The following ST18 variants were observed in gnomAD, a reference collection of about 807,000 sequenced individuals.
The protein encoded by ST18 is suppression of tumorigenicity 18 protein.
Under a neutral mutation model 110.0 loss-of-function variants are expected in ST18, and 50 were observed. That is an observed-to-expected ratio of 0.45 (90% CI 0.36 to 0.58). ST18 has a LOEUF of 0.58. ST18 is among the 20% of genes least tolerant of loss of function. The probability of loss-of-function intolerance (pLI) is 0.00; values close to 1 mark genes in which losing one functional copy is unlikely to be tolerated. For synonymous variants in ST18, 461 were observed against 452.4 expected (o/e 1.02, Z -0.24); for missense variants, 1,306 against 1,280.1 (o/e 1.02, Z -0.31).
intron 8 of ST18, among the ~76,000 whole-genome samples, chr8:52,187,874 C>A (rs936649770): frequency 6.6e-6 from 1 of 152,164 alleles, no homozygotes; most frequent in Non-Finnish European, 1.5e-5. Flanking sequence ...GCAATCTATA[C>A]TTAAAATAAT....
rs1024610473 is a variant in ST18 at position 52,285,346 on chromosome 8, G to A, written c.-464-55269C>T. 3.3e-5 allele frequency among the ~76,000 whole-genome samples: 5 copies of A among 152,276 alleles called. No individual in the cohort carries two copies. In the Middle Eastern group the frequency reaches 0.01, roughly 311 times the overall value. Reference sequence around the variant, plus strand: ...AATATTATTCCTTACATGTAATGACGATGGAACTTCTTGTTCCATATATCC... The same window carrying A: ...AATATTATTCCTTACATGTAATGACAATGGAACTTCTTGTTCCATATATCC... On this transcript the variant is annotated intron_variant, in intron 2 of 25. Transcript: ENST00000689386.
intron 8 of ST18, among the ~76,000 whole-genome samples, chr8:52,210,744 G>T (rs1324341158): frequency 1.3e-5 from 2 of 151,768 alleles, no homozygotes; most frequent in African/African-American, 4.8e-5. Flanking sequence ...CACAGGTAGG[G>T]CCATGGATTC....
intron 2 of ST18, among the ~76,000 whole-genome samples, chr8:52,313,946 A>G (rs900957704): frequency 1.3e-5 from 2 of 152,148 alleles, no homozygotes; most frequent in Non-Finnish European, 2.9e-5. Flanking sequence ...GGTGGCCACA[A>G]TGAAAGAGCT....
intron 12 of ST18, 36 bp from the exon 13 acceptor site, chr8:52,164,126 A>G: frequency 6.4e-7 from 1 of 1,559,114 alleles, no homozygotes; most frequent in Non-Finnish European, 8.9e-7. Flanking sequence ...GATTTTAGTT[A>G]AAATGATAAT....
intron 2 of ST18, among the ~76,000 whole-genome samples, chr8:52,319,459 T>C (rs1024785116): frequency 2.0e-5 from 3 of 152,196 alleles, no homozygotes; most frequent in African/African-American, 7.2e-5. Flanking sequence ...ATTCCAGACC[T>C]TCATTTTCGA....
At chr8:52,279,482 G>A (rs963767785) in intron 2 of ST18, among the ~76,000 whole-genome samples, 2 of 151,930 alleles carry the variant, frequency 1.3e-5, no homozygotes, top group Non-Finnish European at 2.9e-5. Context: ...AAGAAGAATC[G>A]GGGAACTGCA....
chr8:52,318,767 C>G (rs1217460303), intron 2 of ST18, among the ~76,000 whole-genome samples: 4 of 152,082 alleles, frequency 2.6e-5, no homozygotes, highest in Non-Finnish European at 5.9e-5. Context: ...GGAACAAGAT[C>G]GTATCCTTTG....
chr8:52,116,661 T>C (rs919349098), intron 24 of ST18, among the ~76,000 whole-genome samples: 1 of 152,232 alleles, frequency 6.6e-6, no homozygotes, highest in African/African-American at 2.4e-5. Context: ...CACATGGCTG[T>C]ATGATGGATA....
At position 52,386,597 on chromosome 8, in the gene ST18, C is replaced by T. The variant is rs146303275; in HGVS notation, c.-465+22731G>A. ...AAGCAATGTTACTCTTGATGTCTTACGCAACCCAAGCCATCTCTTCCTAAA... is the reference window on the plus strand; with the variant it reads ...AAGCAATGTTACTCTTGATGTCTTATGCAACCCAAGCCATCTCTTCCTAAA... On this transcript the variant is annotated intron_variant, in intron 2 of 25. Transcript: ENST00000689386. Among the ~76,000 whole-genome samples the T allele has an allele frequency of 4.5e-3, 689 of 152,230 alleles. 4 individuals carry two copies. Among genetic ancestry groups the T allele is most frequent in the African/African-American group, 0.016 (668 of 41,530 alleles).
intron 2 of ST18, among the ~76,000 whole-genome samples, chr8:52,250,445 CAAAAAA>C (rs1159770176): frequency 2.3e-4 from 1 of 4,280 alleles, no homozygotes; most frequent in Non-Finnish European, 4.2e-4. Flanking sequence ...GCCTCAAAGG[CAAAAAA>C]AAAAAAAAAA....
rs191146693 is a variant in ST18, at chr8:52,314,875, A to G, written c.-464-84798T>C. ...CATGGAGAGACTCCTGCCCTGACACAGCCAGCCAGCCTCGATTCTAAAGCA... is the reference window on the plus strand; with the variant it reads ...CATGGAGAGACTCCTGCCCTGACACGGCCAGCCAGCCTCGATTCTAAAGCA... On this transcript the variant is annotated intron_variant, in intron 2 of 25. Transcript: ENST00000689386. 6.6e-5 allele frequency among the ~76,000 whole-genome samples: 10 copies of G among 152,264 alleles called. No individual in the cohort carries two copies. The East Asian group carries it at 1.9e-3, about 29-fold the overall frequency.
At chr8:52,323,714 G>C (rs1315120628) in intron 2 of ST18, among the ~76,000 whole-genome samples, 5 of 152,158 alleles carry the variant, frequency 3.3e-5, no homozygotes, top group African/African-American at 7.2e-5. Context: ...TTAATCCATA[G>C]CTCAGAGACT....
At chr8:52,316,782 GTA>G (rs745497448) in intron 2 of ST18, among the ~76,000 whole-genome samples, 62 of 152,258 alleles carry the variant, frequency 4.1e-4, no homozygotes, top group Non-Finnish European at 7.1e-4. Context: ...GTGCTGTATG[GTA>G]TATCTTCTCT....
In ST18 at chr8:52,171,997, T is replaced by G. The variant is rs757211786; in HGVS notation, c.864A>C (p.Val288=). 20 of 1,614,230 alleles carry G rather than the reference T, an allele frequency of 1.2e-5. No individual in the cohort carries two copies. Among genetic ancestry groups the G allele is most frequent in the East Asian group, 2.2e-5 (1 of 44,886 alleles). ...VEEEDSESLA[V]MTEEGSDLEK... ...CCAGGTCACTACCCTCTTCCGTCAT[T>G]ACTGCCAGGCTCTCGCTATCTTCCT... Residue 288 remains valine (V), a synonymous_variant, in exon 10 of 26, where the codon GTA becomes GTC. Coordinates refer to ENST00000689386, the MANE Select transcript of ST18 (RefSeq NM_001352837.2).
intron 8 of ST18, among the ~76,000 whole-genome samples, chr8:52,181,705 A>G (rs16917399): frequency 0.14 from 21,379 of 152,156 alleles, 3,342 homozygotes; most frequent in African/African-American, 0.39. Flanking sequence ...GTGGGAGCAA[A>G]CACCACCATG....
At chr8:52,196,594 G>A (rs542845697) in intron 8 of ST18, among the ~76,000 whole-genome samples, 1 of 152,314 alleles carries the variant, frequency 6.6e-6, no homozygotes, top group South Asian at 2.1e-4. Flanking sequence ...TTTTGAGAGA[G>A]AGACCTCATT....
chr8:52,259,600 G>C (rs1419218121), intron 2 of ST18, among the ~76,000 whole-genome samples: 1 of 151,102 alleles, frequency 6.6e-6, no homozygotes, highest in African/African-American at 2.5e-5. Flanking sequence ...TGATGATAAC[G>C]ATTATATTAG....
chr8:52,300,851 A>G (rs1403531039), intron 2 of ST18, among the ~76,000 whole-genome samples: 2 of 152,188 alleles, frequency 1.3e-5, no homozygotes, highest in African/African-American at 2.4e-5. Flanking sequence ...ACTCCTGGTA[A>G]AAAACAAACC....
intron 2 of ST18, among the ~76,000 whole-genome samples, chr8:52,368,500 T>A (rs1341571064): frequency 6.6e-6 from 1 of 152,166 alleles, no homozygotes; most frequent in Non-Finnish European, 1.5e-5. Context: ...GAGAATATAT[T>A]AGTTAGGGTA....
Sources: allele counts gnomAD v4.1 joint callset (sites outside exome capture counted in the v4.1 genomes callset), GRCh38; gene constraint gnomAD v4.1.1; transcripts MANE v1.5; gene names NCBI Gene and HGNC (gene_info 2026-07-23, HGNC 2026-07-21).